STX8: variants seen among roughly 807,000 people sequenced by gnomAD.
The protein encoded by STX8 is syntaxin-8.
STX8 carries 23 observed loss-of-function variants against 37.5 expected under a neutral mutation model. The ratio of observed to expected loss-of-function variants is 0.61; its 90% CI spans 0.44 to 0.87. STX8 has a LOEUF of 0.87. Among genes scored for constraint, STX8 ranks in the 40% least tolerant of loss-of-function variants. The pLI, the probability that STX8 is intolerant of heterozygous loss-of-function variation, is 0.00. For missense variants in STX8, 313 were observed against 284.7 expected, an observed-to-expected ratio of 1.10 and a Z score of -0.71; for synonymous variants, 115 against 99.1, an observed-to-expected ratio of 1.16 and a Z score of -0.95.
chr17:9,382,894 T>C (rs1449904081), intron 6 of STX8, among the ~76,000 whole-genome samples: 1 of 152,234 alleles, frequency 6.6e-6, no homozygotes, highest in African/African-American at 2.4e-5. Flanking sequence ...GATGTTGGTG[T>C]GCCTTCAAAA....
At chr17:9,414,647 C>T (rs184696410) in intron 6 of STX8, among the ~76,000 whole-genome samples, 2 of 152,064 alleles carry the variant, frequency 1.3e-5, no homozygotes, top group African/African-American at 4.8e-5. Flanking sequence ...AGGGTGAGAC[C>T]GCTCTACCCA....
intron 7 of STX8, among the ~76,000 whole-genome samples, chr17:9,368,666 T>C (rs1366987707): frequency 2.0e-5 from 3 of 152,014 alleles, no homozygotes; most frequent in Non-Finnish European, 4.4e-5. Context: ...TTTCTTTCCG[T>C]CCTCCCTCCC....
chr17:9,506,107 G>T (rs971464653), intron 4 of STX8, among the ~76,000 whole-genome samples: 3 of 151,920 alleles, frequency 2.0e-5, no homozygotes, highest in Non-Finnish European at 4.4e-5. Flanking sequence ...TGCCCTTTCT[G>T]CACGAGACCA....
intron 6 of STX8, among the ~76,000 whole-genome samples, chr17:9,491,018 C>T (rs983674896): frequency 6.6e-6 from 1 of 152,184 alleles, no homozygotes; most frequent in Admixed American, 6.5e-5. Context: ...CACTCAACGA[C>T]TCCACGCTGT....
At chr17:9,448,937 A>G (rs1904946813) in intron 6 of STX8, among the ~76,000 whole-genome samples, 1 of 152,174 alleles carries the variant, frequency 6.6e-6, no homozygotes, top group Non-Finnish European at 1.5e-5. Flanking sequence ...AAAAAAATAT[A>G]TATTACTGCA....
chr17:9,485,465 G>A (rs929389796), intron 6 of STX8, among the ~76,000 whole-genome samples: 1 of 152,192 alleles, frequency 6.6e-6, no homozygotes, highest in Non-Finnish European at 1.5e-5. Context: ...GTAAAAAAAT[G>A]TATGCCTGCT....
chr17:9,478,363 T>C (rs537305597), intron 6 of STX8, among the ~76,000 whole-genome samples: 2 of 152,294 alleles, frequency 1.3e-5, no homozygotes, highest in East Asian at 3.9e-4. Flanking sequence ...CTCGAACTCC[T>C]GACCTCAGGT....
intron 4 of STX8, among the ~76,000 whole-genome samples, chr17:9,541,804 T>C (rs1906288149): frequency 6.6e-6 from 1 of 152,140 alleles, no homozygotes; most frequent in South Asian, 2.1e-4. Flanking sequence ...CATAAAGAGC[T>C]TAGCACAGTG....
intron 7 of STX8, among the ~76,000 whole-genome samples, chr17:9,283,648 G>A (rs987331074): frequency 3.3e-5 from 5 of 152,182 alleles, no homozygotes; most frequent in African/African-American, 9.7e-5. Context: ...TGGAGCTTTC[G>A]CAATGGATAG....
At chr17:9,454,108 T>C (rs1357872548) in intron 6 of STX8, among the ~76,000 whole-genome samples, 3 of 152,238 alleles carry the variant, frequency 2.0e-5, no homozygotes. Context: ...GAATATCATA[T>C]TTGATTATTT....
chr17:9,444,950 C>T (rs562104569), intron 6 of STX8, among the ~76,000 whole-genome samples: 3 of 152,184 alleles, frequency 2.0e-5, no homozygotes, highest in African/African-American at 7.2e-5. Flanking sequence ...AGATTGATCA[C>T]CAGCTGGGAA....
chr17:9,539,796 C>T (rs1172282425), intron 4 of STX8, among the ~76,000 whole-genome samples: 1 of 152,102 alleles, frequency 6.6e-6, no homozygotes, highest in Non-Finnish European at 1.5e-5. Context: ...CTAAGGAAAT[C>T]TCTGCAAGTC....
chr17:9,402,545 C>T (rs1912659871), intron 6 of STX8, among the ~76,000 whole-genome samples: 1 of 152,080 alleles, frequency 6.6e-6, no homozygotes, highest in African/African-American at 2.4e-5. Context: ...TACAGTGCAA[C>T]AAAAATGAGG....
At chr17:9,563,082 G>A (rs759515719) in intron 2 of STX8, among the ~76,000 whole-genome samples, 1 of 152,102 alleles carries the variant, frequency 6.6e-6, no homozygotes, top group Non-Finnish European at 1.5e-5. Context: ...GAAATGAAAT[G>A]TAGAGGTTTC....
At chr17:9,404,334 T>G (rs1188832448) in intron 6 of STX8, among the ~76,000 whole-genome samples, 1 of 152,192 alleles carries the variant, frequency 6.6e-6, no homozygotes, top group Non-Finnish European at 1.5e-5. Context: ...GTAATTTGCC[T>G]GACTTCTTTG....
At chr17:9,316,722 G>A (rs1024635795) in intron 7 of STX8, among the ~76,000 whole-genome samples, 8 of 152,084 alleles carry the variant, frequency 5.3e-5, no homozygotes, top group Non-Finnish European at 1.0e-4. Flanking sequence ...GCAAATAATC[G>A]AACCCAAGGA....
chr17:9,433,831 A>G (rs1914056904), intron 6 of STX8, among the ~76,000 whole-genome samples: 1 of 152,096 alleles, frequency 6.6e-6, no homozygotes, highest in Non-Finnish European at 1.5e-5. Flanking sequence ...GGGGAAGATG[A>G]TATTTGAACT....
intron 1 of STX8, chr17:9,569,914 T>A: frequency 6.6e-6 from 1 of 152,156 alleles, no homozygotes; most frequent in Non-Finnish European, 1.5e-5. Context: ...ACCATTGCAC[T>A]CCAGCCCGGC....
At chr17:9,434,567 C>T (rs913913579) in intron 6 of STX8, among the ~76,000 whole-genome samples, 1 of 152,156 alleles carries the variant, frequency 6.6e-6, no homozygotes, top group Non-Finnish European at 1.5e-5. Flanking sequence ...GAGACAGTTT[C>T]AGAGGTGAAA....
Sources: gnomAD v4.1 joint callset for allele counts (sites outside exome capture counted in the v4.1 genomes callset) on GRCh38, gnomAD v4.1.1 for gene constraint, MANE v1.5 for transcripts, NCBI Gene and HGNC (gene_info 2026-07-23, HGNC 2026-07-21) for gene names.